The following DST variants were observed in gnomAD, a reference collection of about 807,000 sequenced individuals.
The protein encoded by DST is dystonin.
In DST, 253 loss-of-function variants were observed where a neutral mutation model predicts 875.2. That is an observed-to-expected ratio of 0.29 (90% CI 0.26 to 0.32). DST has a LOEUF of 0.32. Among genes scored for constraint, DST ranks in the 10% least tolerant of loss-of-function variants. DST has a pLI of 1.00. For synonymous variants in DST, 3,124 were observed against 3,197.1 expected (o/e 0.98, Z 0.77); for missense variants, 8,287 against 9,111.6 (o/e 0.91, Z 3.68).
At chr6:56,508,396 G>T in intron 75 of DST, 133 bp downstream of exon 75, 1 of 722,452 alleles carries the variant, frequency 1.4e-6, no homozygotes, top group Non-Finnish European at 2.4e-6. Flanking sequence ...ATCTCCTACT[G>T]TATCACTGCA....
At chr6:56,752,457 A>G (rs1448316839) in intron 4 of DST, among the ~76,000 whole-genome samples, 4 of 152,158 alleles carry the variant, frequency 2.6e-5, no homozygotes, top group Non-Finnish European at 1.5e-5. Flanking sequence ...ATCCCCCAAC[A>G]AAGTTATCTT....
At chr6:56,689,920 G>A (rs1396487236) in intron 9 of DST, among the ~76,000 whole-genome samples, 4 of 152,140 alleles carry the variant, frequency 2.6e-5, no homozygotes, top group African/African-American at 9.7e-5. Context: ...GACAAAGGTA[G>A]GAAACCTTGT....
chr6:56,853,818 T>G (rs1471538458), intron 3 of DST, among the ~76,000 whole-genome samples: 1 of 152,116 alleles, frequency 6.6e-6, no homozygotes, highest in African/African-American at 2.4e-5. Context: ...TGGTGCAGCC[T>G]CTAATCTGGT....
At chr6:56,761,173 G>A (rs2099616339) in intron 4 of DST, among the ~76,000 whole-genome samples, 1 of 152,234 alleles carries the variant, frequency 6.6e-6, no homozygotes, top group Non-Finnish European at 1.5e-5. Flanking sequence ...CTGCCAGTGA[G>A]TGAGCCATCT....
chr6:56,528,407 T>A (rs1403015376), intron 67 of DST, among the ~76,000 whole-genome samples: 1 of 152,196 alleles, frequency 6.6e-6, no homozygotes, highest in African/African-American at 2.4e-5. Flanking sequence ...AAACTATGTA[T>A]CAGTTTTCTT....
chr6:56,801,202 T>C (rs36037734), intron 4 of DST, among the ~76,000 whole-genome samples: 18,612 of 152,164 alleles, frequency 0.12, 1,580 homozygotes, highest in Non-Finnish European at 0.19. Flanking sequence ...TTCATTAATA[T>C]CCTCTTTTTG....
intron 5 of DST, among the ~76,000 whole-genome samples, chr6:56,720,926 C>T (rs1057153360): frequency 2.6e-5 from 4 of 151,984 alleles, no homozygotes; most frequent in East Asian, 1.9e-4. Context: ...CCAGATGGGG[C>T]GGCCAGGCAG....
chr6:56,861,232 C>T, intron 3 of DST, among the ~76,000 whole-genome samples: 1 of 152,232 alleles, frequency 6.6e-6, no homozygotes, highest in Non-Finnish European at 1.5e-5. Flanking sequence ...TGCACAGAAG[C>T]AAAGTCTATG....
Position 56,501,125 on chromosome 6 carries a change from A to T in DST, c.19851T>A (p.Val6617=). ...TTTCAATGGCTTTAGGGTCTCCTCC[A>T]ACAGGTTTCTGCTCACTTAGCAAGC... ...TEGLLSEQKP[V]GGDPKAIEIE... The change falls in exon 80 of 104, where the codon GTT becomes GTA. Residue 6617 remains valine, a synonymous_variant. Transcript: ENST00000680361. The T allele has an allele frequency of 1.2e-6, 2 of 1,612,884 alleles. No individual in the cohort carries two copies. The highest frequency in any genetic ancestry group is 1.7e-6 in the Non-Finnish European group (2 of 1,179,276).
rs185354308 is a variant in DST, at chr6:56,608,821, T to C, written c.5807A>G (p.Gln1936Arg). The change falls in exon 40 of 104, where the codon CAA (glutamine) becomes CGA (arginine). Residue 1936 changes from glutamine (Q) to arginine (R), a missense_variant. Physicochemically the swap from Gln to Arg is conservative, Grantham distance 43. Transcript: ENST00000680361. ...TGTGTTTTCCTGTAAAGTACTTCTTTGTACCATATCTATTAAAGAAACCTT... is the reference window on the plus strand; with the variant it reads ...TGTGTTTTCCTGTAAAGTACTTCTTCGTACCATATCTATTAAAGAAACCTT... ...SEKVSLIDMV[Q>R]RSTLQENTGM... 1.2e-5 allele frequency: 19 copies of C among 1,611,824 alleles called. No individual in the cohort carries two copies. The East Asian group carries it at 3.6e-4, about 30-fold the overall frequency.
rs115147853 is a variant in DST, at chr6:56,953,737, G to A, written c.216+48C>T. 3.8e-3 allele frequency: 4,863 copies of A among 1,284,158 alleles called. 140 individuals are homozygous for A. The African/African-American group carries it at 0.064, about 17-fold the overall frequency. The allele number at this position is 1,284,158 out of a possible 1,614,324, so 79.5% of individuals were successfully genotyped here. On this transcript the variant is annotated intron_variant, in intron 2 of 103. Coordinates refer to ENST00000680361, the MANE Select transcript of DST (RefSeq NM_001374736.1). Reference sequence around the variant, plus strand: ...CGCATATAATTAATATTGGTACTCAGGAAAGAGAACTTCTTCTGACCTTGA... The same window carrying A: ...CGCATATAATTAATATTGGTACTCAAGAAAGAGAACTTCTTCTGACCTTGA...
At chr6:56,506,892 T>C in intron 75 of DST, 103 bp from the exon 76 acceptor site, 1 of 1,244,154 alleles carries the variant, frequency 8.0e-7, no homozygotes, top group Non-Finnish European at 1.1e-6. Context: ...GAAGGTGGCA[T>C]TCTAATCATT....
At chr6:56,566,394 C>A (rs2097678879) in intron 55 of DST, among the ~76,000 whole-genome samples, 1 of 152,204 alleles carries the variant, frequency 6.6e-6, no homozygotes, top group Admixed American at 6.5e-5. Context: ...AGTATCTGGG[C>A]CAGAATGCAC....
intron 55 of DST, among the ~76,000 whole-genome samples, chr6:56,567,664 G>A (rs2097703592): frequency 6.6e-6 from 1 of 152,040 alleles, no homozygotes; most frequent in Non-Finnish European, 1.5e-5. Flanking sequence ...GATTAATAGA[G>A]TGGAATAAAT....
intron 3 of DST, among the ~76,000 whole-genome samples, chr6:56,881,525 A>G (rs1428661148): frequency 6.6e-6 from 1 of 152,120 alleles, no homozygotes; most frequent in Non-Finnish European, 1.5e-5. Context: ...AGAATATAAA[A>G]CAAGTAACTG....
intron 61 of DST, among the ~76,000 whole-genome samples, chr6:56,543,886 T>C (rs1314891883): frequency 6.6e-6 from 1 of 152,142 alleles, no homozygotes; most frequent in Non-Finnish European, 1.5e-5. Flanking sequence ...AAAAATCTTT[T>C]CATAATGAAA....
chr6:56,506,308 C>A, intron 77 of DST, 135 bp downstream of exon 77: 1 of 622,032 alleles, frequency 1.6e-6, no homozygotes, highest in Non-Finnish European at 2.7e-6. Context: ...ATGAGATACA[C>A]AGGCAACTGC....
intron 4 of DST, among the ~76,000 whole-genome samples, chr6:56,808,055 A>C (rs1169735578): frequency 6.6e-6 from 1 of 152,204 alleles, no homozygotes. Flanking sequence ...CTATACGTTA[A>C]TAAACAAGTT....
intron 4 of DST, among the ~76,000 whole-genome samples, chr6:56,752,783 GTTTTTTTGT>G (rs994072795): frequency 5.9e-5 from 9 of 152,066 alleles, no homozygotes; most frequent in South Asian, 2.1e-4. Context: ...ACAAGATTGA[GTTTTTTTGT>G]TTTTTTTGTT....
Sources: gnomAD v4.1 joint callset for allele counts (sites outside exome capture counted in the v4.1 genomes callset) on GRCh38, gnomAD v4.1.1 for gene constraint, MANE v1.5 for transcripts, NCBI Gene and HGNC (gene_info 2026-07-23, HGNC 2026-07-21) for gene names.